STAG3: variants seen among roughly 807,000 people sequenced by gnomAD.
STAG3 encodes the protein cohesin subunit SA-3.
STAG3 carries 101 observed loss-of-function variants against 160.7 expected under a neutral mutation model. That is an observed-to-expected ratio of 0.63 (90% CI 0.54 to 0.74). The LOEUF is 0.74. Among genes scored for constraint, STAG3 ranks in the 30% least tolerant of loss-of-function variants. STAG3 has a pLI of 0.00. For synonymous variants in STAG3, 519 were observed against 585.0 expected (o/e 0.89, Z 1.63); for missense variants, 1,188 against 1,517.4 (o/e 0.78, Z 3.61).
intron 1 of STAG3, among the ~76,000 whole-genome samples, chr7:100,178,443 C>T (rs1207203589): frequency 2.6e-5 from 4 of 151,772 alleles, no homozygotes; most frequent in Non-Finnish European, 4.4e-5. Context: ...TATTTTTTTT[C>T]TTATTTCTTT....
At position 100,213,841 on chromosome 7, in the gene STAG3, C is replaced by G. The variant is rs1727130; in HGVS notation, c.3672+35C>G. The G allele has an allele frequency of 0.71, 1,150,971 of 1,613,942 alleles. 416,016 individuals carry two copies. Among genetic ancestry groups the G allele is most frequent in the Middle Eastern group, 0.86 (5,198 of 6,062 alleles). On this transcript the variant is annotated intron_variant, in intron 33 of 33. Transcript: ENST00000615138. ...CCCAGAGCAGGAGTTATGTATCCTT[C>G]GGAAATGCTGGCAGGCAACCCGTGC...
At position 100,201,945 on chromosome 7, in the gene STAG3, A is replaced by G; in HGVS notation, c.2302-4A>G. The G allele has an allele frequency of 6.2e-7, 1 of 1,614,160 alleles. No homozygotes were observed. The highest frequency in any genetic ancestry group is 8.5e-7 in the Non-Finnish European group (1 of 1,180,026). Reference sequence around the variant, plus strand: ...TCTTCCCCTTCAAGCCACTGTGCCCACAGAAGCAGCTGTCGAGTTTGAGGG... The same window carrying G: ...TCTTCCCCTTCAAGCCACTGTGCCCGCAGAAGCAGCTGTCGAGTTTGAGGG... On this transcript the variant is annotated splice_region_variant and splice_polypyrimidine_tract_variant and intron_variant, in intron 22 of 33. Coordinates refer to ENST00000615138, the MANE Select transcript of STAG3 (RefSeq NM_001282717.2).
At chr7:100,183,494 C>T (rs1310314689) in intron 4 of STAG3, among the ~76,000 whole-genome samples, 1 of 152,152 alleles carries the variant, frequency 6.6e-6, no homozygotes, top group Non-Finnish European at 1.5e-5. Flanking sequence ...TTATTTTTTC[C>T]TTGTTTCTTT....
chr7:100,217,535 G>A (rs536550969), downstream of STAG3, among the ~76,000 whole-genome samples: 31 of 150,974 alleles, frequency 2.1e-4, no homozygotes, highest in African/African-American at 6.6e-4. Context: ...AAGACAAAGA[G>A]ATAGAAGAAA....
intron 3 of STAG3, among the ~76,000 whole-genome samples, chr7:100,182,429 A>G (rs1358898730): frequency 6.6e-6 from 1 of 152,166 alleles, no homozygotes; most frequent in Non-Finnish European, 1.5e-5. Flanking sequence ...CAAGATTTAC[A>G]AAGTATTAAG....
Position 100,201,776 on chromosome 7 carries a change from G to GT in STAG3, c.2221-8dup, listed in dbSNP as rs1234612465. The GT allele has an allele frequency of 1.2e-6, 2 of 1,613,706 alleles. No homozygotes were observed. The highest frequency in any genetic ancestry group is 2.7e-5 in the African/African-American group (2 of 74,860). On this transcript the variant is annotated splice_polypyrimidine_tract_variant and intron_variant, in intron 21 of 33. Coordinates refer to ENST00000615138, the MANE Select transcript of STAG3 (RefSeq NM_001282717.2). ...CCAAACCTCATTTTTCAAACCCTTT[G>GT]TTGTTACAGGTTATCCTGCCAGCCT...
intron 8 of STAG3, among the ~76,000 whole-genome samples, chr7:100,194,922 A>G (rs183839198): frequency 5.5e-5 from 8 of 146,328 alleles, no homozygotes; most frequent in African/African-American, 9.7e-5. Flanking sequence ...AGGATATACT[A>G]TTAGAAAAAT....
At position 100,181,040 on chromosome 7, in the gene STAG3, A is replaced by G. The variant is rs117677319; in HGVS notation, c.116+368A>G. ...CTAAACCTCTCTTAAACACATTTCT[A>G]TGTTCAGCATGTACCAACCCTGGTG... On this transcript the variant is annotated intron_variant, in intron 2 of 33. Transcript: ENST00000615138. 9.0e-4 allele frequency: 153 copies of G among 169,824 alleles called. 1 individual carries two copies. The East Asian group carries it at 0.024, about 27-fold the overall frequency. The allele number at this position is 169,824 out of a possible 1,614,324, so 10.5% of individuals were successfully genotyped here. A position where few individuals can be genotyped will look rare whatever the true frequency, so the allele number is the denominator to read the frequency against.
chr7:100,218,617 A>G (rs752670436), downstream of STAG3: 4 of 398,872 alleles, frequency 1.0e-5, no homozygotes, highest in Admixed American at 1.3e-4. Flanking sequence ...TCTTTTTCAG[A>G]TTACTGAGAG....
intron 5 of STAG3, among the ~76,000 whole-genome samples, chr7:100,186,526 T>C (rs1392375616): frequency 6.6e-6 from 1 of 152,052 alleles, no homozygotes. Flanking sequence ...TAAAACCAGC[T>C]TGGGAAACAT....
intron 25 of STAG3, 77 bp from the exon 26 acceptor site, chr7:100,203,944 G>A: frequency 1.1e-6 from 1 of 935,264 alleles, no homozygotes; most frequent in Middle Eastern, 2.1e-4. Context: ...AGGGAGACAT[G>A]ATTAGGGATG....
chr7:100,207,935 T>G lies in STAG3; in HGVS notation c.3238+2551T>G, dbSNP rs1054867057. Among the ~76,000 whole-genome samples the G allele has an allele frequency of 1.6e-4, 24 of 151,964 alleles. No homozygotes were observed. Among genetic ancestry groups the G allele is most frequent in the Non-Finnish European group, 2.9e-4 (20 of 67,962 alleles). ...ATTGAGACCATCCTGGCTAACACGGTGAAACCCCGTCTCTACTAAAAATAC... is the reference window on the plus strand; with the variant it reads ...ATTGAGACCATCCTGGCTAACACGGGGAAACCCCGTCTCTACTAAAAATAC... On this transcript the variant is annotated intron_variant, in intron 29 of 33. Coordinates refer to ENST00000615138, the MANE Select transcript of STAG3 (RefSeq NM_001282717.2). This position sits in a 1 kb window ranked among gnomAD's most constrained non-coding sequence, Gnocchi z 4.0.
At chr7:100,186,837 C>A (rs1050518279) in intron 5 of STAG3, among the ~76,000 whole-genome samples, 1 of 152,096 alleles carries the variant, frequency 6.6e-6, no homozygotes, top group South Asian at 2.1e-4. Context: ...TTTGAAGACA[C>A]CCTTTGGTCT....
At chr7:100,195,946 A>C (rs574464029) in intron 9 of STAG3, among the ~76,000 whole-genome samples, 81 of 152,246 alleles carry the variant, frequency 5.3e-4, no homozygotes, top group African/African-American at 1.7e-3. Flanking sequence ...CCTGACCAAC[A>C]TGGAGAAACT....
intron 26 of STAG3, 50 bp downstream of exon 26, chr7:100,204,172 C>T (rs776947425): frequency 2.1e-6 from 3 of 1,439,002 alleles, no homozygotes; most frequent in Admixed American, 1.7e-5. Flanking sequence ...CCCCAAGTCT[C>T]TGTCTACCCT....
chr7:100,218,490 T>C (rs913589745), downstream of STAG3: 16 of 241,528 alleles, frequency 6.6e-5, no homozygotes, highest in African/African-American at 2.7e-4. Flanking sequence ...TATTGAATAA[T>C]TGTTTTAAGA....
At position 100,204,581 on chromosome 7, in the gene STAG3, G is replaced by A. The variant is rs769317558; in HGVS notation, c.2803-46G>A. ...GAGAATGCTGGACTTCTCTGTTTCC[G>A]CCGTGTTCCTCCCTTTCCCACATGC... On this transcript the variant is annotated intron_variant, in intron 26 of 33. Coordinates refer to ENST00000615138, the MANE Select transcript of STAG3 (RefSeq NM_001282717.2). 16 of 1,594,868 alleles carry A rather than the reference G, an allele frequency of 1.0e-5. No homozygotes were observed. The South Asian group carries it at 1.1e-4, about 11-fold the overall frequency.
At chr7:100,208,845 T>C (rs1051164664) in intron 29 of STAG3, among the ~76,000 whole-genome samples, 15 of 152,138 alleles carry the variant, frequency 9.9e-5, no homozygotes, top group Admixed American at 5.2e-4. Flanking sequence ...GGGTGGGGAT[T>C]GCAGTCTTAC....
At chr7:100,210,952 AAG>A (rs1461750229) in intron 29 of STAG3, 57 bp from the exon 30 acceptor site, 1 of 1,548,230 alleles carries the variant, frequency 6.5e-7, no homozygotes, top group South Asian at 1.2e-5. Flanking sequence ...AGGTCTTGGA[AAG>A]AGAGCACACC....
Sources: gnomAD v4.1 joint callset for allele counts (sites outside exome capture counted in the v4.1 genomes callset) on GRCh38, gnomAD v4.1.1 for gene constraint, Gnocchi (gnomAD v3.1) non-coding constraint, MANE v1.5 for transcripts, NCBI Gene and HGNC (gene_info 2026-07-23, HGNC 2026-07-21) for gene names.